SLC1A1: variants seen among roughly 807,000 people sequenced by gnomAD.
The protein encoded by SLC1A1 is excitatory amino acid transporter 3.
A neutral mutation model predicts 53.3 loss-of-function variants in SLC1A1; 43 were observed. That is an observed-to-expected ratio of 0.81 (90% CI 0.63 to 1.04). The LOEUF is 1.04. Ranked by LOEUF, SLC1A1 falls within the 50% of genes least tolerant of loss-of-function variation. SLC1A1 has a pLI of 0.00. For synonymous variants in SLC1A1, 307 were observed against 243.2 expected, an observed-to-expected ratio of 1.26 and a Z score of -2.44; for missense variants, 748 against 664.9, an observed-to-expected ratio of 1.12 and a Z score of -1.37.
intron 1 of SLC1A1, among the ~76,000 whole-genome samples, chr9:4,539,324 C>G (rs62542089): frequency 4.4e-4 from 67 of 152,230 alleles, no homozygotes; most frequent in Middle Eastern, 3.4e-3. Flanking sequence ...CTTTTTTGTT[C>G]TTTTCTGATT....
intron 2 of SLC1A1, among the ~76,000 whole-genome samples, chr9:4,545,972 C>T (rs532984104): frequency 3.9e-5 from 6 of 152,192 alleles, no homozygotes; most frequent in African/African-American, 7.2e-5. Flanking sequence ...AATTAGAAGT[C>T]GTGACATGTC....
intron 1 of SLC1A1, among the ~76,000 whole-genome samples, chr9:4,539,642 G>A (rs941286300): frequency 5.3e-5 from 8 of 151,994 alleles, no homozygotes; most frequent in Non-Finnish European, 8.8e-5. Context: ...CATGATCTCG[G>A]CTCACTGCAA....
Position 4,490,725 on chromosome 9 carries a change from A to G in SLC1A1, c.46A>G (p.Lys16Glu). 6.2e-7 allele frequency: 1 copy of G among 1,612,900 alleles called. No individual in the cohort carries two copies. Among genetic ancestry groups the G allele is most frequent in the Middle Eastern group, 1.7e-4 (1 of 6,056 alleles). ...RKGCEWKRFLKNNWVLLSTVA... is the reference protein window; with the variant it reads ...RKGCEWKRFLENNWVLLSTVA... ...AGGATGCGAGTGGAAGCGCTTCCTG[A>G]AGAATAACTGGGTGTTGCTGTCCAC... Residue 16 changes from lysine (K) to glutamate (E), a missense_variant, in exon 1 of 12, where the codon AAG (lysine) becomes GAG (glutamate). Physicochemically the swap from Lys to Glu is moderately conservative, Grantham distance 56. Coordinates refer to ENST00000262352, the MANE Select transcript of SLC1A1 (RefSeq NM_004170.6).
chr9:4,536,641 C>G (rs1169238874), intron 1 of SLC1A1, among the ~76,000 whole-genome samples: 3 of 152,198 alleles, frequency 2.0e-5, no homozygotes, highest in Admixed American at 2.0e-4. Flanking sequence ...GTGGCGATTC[C>G]TCAGGGATCT....
intron 7 of SLC1A1, 148 bp from the exon 8 acceptor site, chr9:4,573,759 C>G (rs986349462): frequency 6.8e-6 from 5 of 736,836 alleles, no homozygotes; most frequent in African/African-American, 1.7e-5. Flanking sequence ...GGACTTGAAA[C>G]AACTCTTAGC....
At chr9:4,527,085 T>G (rs1354115539) in intron 1 of SLC1A1, among the ~76,000 whole-genome samples, 1 of 152,158 alleles carries the variant, frequency 6.6e-6, no homozygotes. Context: ...GAAGCCACTG[T>G]GTTGTCAGAG....
intron 1 of SLC1A1, among the ~76,000 whole-genome samples, chr9:4,516,417 G>A (rs953490271): frequency 6.6e-6 from 1 of 152,210 alleles, no homozygotes; most frequent in African/African-American, 2.4e-5. Flanking sequence ...TGGGAAACAA[G>A]ATGAATTAAT....
At chr9:4,580,984 T>C (rs4742010) in intron 10 of SLC1A1, among the ~76,000 whole-genome samples, 22,575 of 152,156 alleles carry the variant, frequency 0.15, 2,207 homozygotes, top group East Asian at 0.48. Flanking sequence ...GGAAATGGCA[T>C]GTTTTTAAGC....
At chr9:4,563,254 G>C (rs1028491343) in intron 3 of SLC1A1, among the ~76,000 whole-genome samples, 4 of 152,120 alleles carry the variant, frequency 2.6e-5, no homozygotes, top group Admixed American at 2.6e-4. Context: ...TGATAAGAAG[G>C]GGTGGGATGT....
At chr9:4,492,080 G>T (rs989373794) in intron 1 of SLC1A1, among the ~76,000 whole-genome samples, 1 of 152,190 alleles carries the variant, frequency 6.6e-6, no homozygotes, top group Non-Finnish European at 1.5e-5. Flanking sequence ...CTATTTGTAG[G>T]AGGAAAGGAG....
At chr9:4,546,395 T>C (rs1817496967) in intron 2 of SLC1A1, among the ~76,000 whole-genome samples, 1 of 152,148 alleles carries the variant, frequency 6.6e-6, no homozygotes, top group Non-Finnish European at 1.5e-5. Context: ...TTGGAAAGAT[T>C]TCATGTAAAT....
intron 2 of SLC1A1, among the ~76,000 whole-genome samples, chr9:4,561,235 C>G (rs543418845): frequency 1.3e-5 from 2 of 152,152 alleles, no homozygotes; most frequent in African/African-American, 4.8e-5. Flanking sequence ...CTGTGGGAAG[C>G]TGCCTGCAGG....
Position 4,561,504 on chromosome 9 carries a change from G to A in SLC1A1, c.288G>A (p.Val96=). 4 of 1,609,006 alleles carry A rather than the reference G, an allele frequency of 2.5e-6. No individual in the cohort carries two copies. The highest frequency in any genetic ancestry group is 2.6e-6 in the Non-Finnish European group (3 of 1,175,418). ...GAAAAATTGGTCTGCGCGCTGTCGT[G>A]TATTATTTCTGTACCACTCTCATTG... The part of the protein sequence containing the change: ...VSGKIGLRAV[V]YYFCTTLIAV... Residue 96 remains valine (V), a synonymous_variant, in exon 3 of 12, where the codon GTG becomes GTA. Transcript: ENST00000262352.
chr9:4,504,302 T>A (rs1017042432), intron 1 of SLC1A1, among the ~76,000 whole-genome samples: 6 of 152,208 alleles, frequency 3.9e-5, no homozygotes, highest in African/African-American at 1.4e-4. Context: ...TGAATTTATT[T>A]CTGGATTTTC....
At chr9:4,526,913 G>C (rs1482483854) in intron 1 of SLC1A1, among the ~76,000 whole-genome samples, 1 of 152,012 alleles carries the variant, frequency 6.6e-6, no homozygotes, top group Non-Finnish European at 1.5e-5. Context: ...TTCATAATTA[G>C]ATTACATTCT....
At chr9:4,566,767 AT>A (rs965263258) in intron 5 of SLC1A1, among the ~76,000 whole-genome samples, 82 of 151,768 alleles carry the variant, frequency 5.4e-4, no homozygotes, top group Non-Finnish European at 1.0e-3. Flanking sequence ...CAAAGCCATG[AT>A]TTTTTTTTCT....
chr9:4,556,568 T>C lies in SLC1A1; in HGVS notation c.233-4881T>C, dbSNP rs1296702016. ...GGCCTGAGAGCAAGAAACCCGGGGG[T>C]CCATTGAGAATAAAAACTCAGAACT... On this transcript the variant is annotated intron_variant, in intron 2 of 11. Coordinates refer to ENST00000262352, the MANE Select transcript of SLC1A1 (RefSeq NM_004170.6). This position sits in a 1 kb window ranked among gnomAD's most constrained non-coding sequence, Gnocchi z 4.1. 6.6e-6 allele frequency among the ~76,000 whole-genome samples: 1 copy of C among 151,850 alleles called. No individual in the cohort carries two copies. Among genetic ancestry groups the C allele is most frequent in the Non-Finnish European group, 1.5e-5 (1 of 67,964 alleles).
chr9:4,578,834 A>G (rs993318511), intron 10 of SLC1A1, among the ~76,000 whole-genome samples: 1 of 152,200 alleles, frequency 6.6e-6, no homozygotes. Flanking sequence ...TTTGGACAGC[A>G]CTATGTTAGA....
intron 6 of SLC1A1, among the ~76,000 whole-genome samples, chr9:4,570,123 G>A (rs1384199340): frequency 6.6e-6 from 1 of 152,140 alleles, no homozygotes; most frequent in Non-Finnish European, 1.5e-5. Context: ...CTCAGCCCTA[G>A]CTTTCCCTAA....
Sources: gnomAD v4.1 joint callset for allele counts (sites outside exome capture counted in the v4.1 genomes callset) on GRCh38, gnomAD v4.1.1 for gene constraint, Gnocchi (gnomAD v3.1) non-coding constraint, MANE v1.5 for transcripts, NCBI Gene and HGNC (gene_info 2026-07-23, HGNC 2026-07-21) for gene names.